Variants in ASCC1 observed in about 807,000 individuals in gnomAD.
ASCC1 encodes ASC-1 complex subunit P50.
In ASCC1, 35 loss-of-function variants were observed where a neutral mutation model predicts 46.6. The ratio of observed to expected loss-of-function variants is 0.75; its 90% CI spans 0.57 to 0.99. The LOEUF is 0.99. Ranked by LOEUF, ASCC1 falls within the 50% of genes least tolerant of loss-of-function variation. ASCC1 has a pLI of 0.00. For missense variants in ASCC1, 376 were observed against 428.7 expected (o/e 0.88, Z 1.09); for synonymous variants, 143 against 146.6 (o/e 0.98, Z 0.18).
At chr10:72,201,676 G>T (rs1273742479) in intron 4 of ASCC1, among the ~76,000 whole-genome samples, 4 of 151,976 alleles carry the variant, frequency 2.6e-5, no homozygotes, top group African/African-American at 7.2e-5. Context: ...ACATGCTCTT[G>T]CCTGTAACCC....
At chr10:72,124,223 T>C (rs773858623) in intron 9 of ASCC1, among the ~76,000 whole-genome samples, 26 of 152,176 alleles carry the variant, frequency 1.7e-4, no homozygotes, top group Non-Finnish European at 3.2e-4. Context: ...GTCTCTTCTT[T>C]CTCTAAATTA....
intron 7 of ASCC1, among the ~76,000 whole-genome samples, chr10:72,144,537 A>G (rs1005772884): frequency 1.3e-5 from 2 of 151,656 alleles, no homozygotes; most frequent in South Asian, 2.1e-4. Flanking sequence ...TGCTCATTCC[A>G]CTTTTTCCCA....
Position 72,190,169 on chromosome 10 carries a change from A to T in ASCC1, c.489+6642T>A, listed in dbSNP as rs1449226594. ...TGGTGGCCGAAAACACCCAGTTCCT[A>T]AGGGTGCAACTTACGGCAAGCCTGT... On this transcript the variant is annotated intron_variant, in intron 5 of 9. Coordinates refer to ENST00000672957, the MANE Select transcript of ASCC1 (RefSeq NM_001198800.3). The T allele has an allele frequency of 2.6e-5, 20 of 763,256 alleles. No individual in the cohort carries two copies. In the Admixed American group the frequency reaches 3.2e-4, roughly 12 times the overall value. 47.3% of individuals were successfully genotyped at this position (763,256 alleles called of 1,614,324 possible). A position where few individuals can be genotyped will look rare whatever the true frequency, so the allele number is the denominator to read the frequency against.
chr10:72,195,881 C>A (rs1024091494), intron 5 of ASCC1, among the ~76,000 whole-genome samples: 2 of 151,868 alleles, frequency 1.3e-5, no homozygotes, highest in African/African-American at 2.4e-5. Context: ...GATACACACA[C>A]ATATATAGCA....
At chr10:72,167,446 G>A (rs1049131899) in intron 5 of ASCC1, among the ~76,000 whole-genome samples, 1 of 152,196 alleles carries the variant, frequency 6.6e-6, no homozygotes, top group Non-Finnish European at 1.5e-5. Context: ...TGCCTGTGGT[G>A]AGGAGTGGGG....
intron 3 of ASCC1, chr10:72,204,485 G>T (rs11000217): frequency 2.6e-6 from 4 of 1,543,342 alleles, no homozygotes; most frequent in Non-Finnish European, 2.6e-6. Flanking sequence ...ACAGTCGTTT[G>T]ATGTGTTCAA....
At chr10:72,184,842 A>T (rs914976526) in intron 5 of ASCC1, among the ~76,000 whole-genome samples, 7 of 152,142 alleles carry the variant, frequency 4.6e-5, no homozygotes, top group Non-Finnish European at 8.8e-5. Flanking sequence ...AAAAATTTTA[A>T]ATAAGCAATA....
chr10:72,113,576 C>G (rs1843157851), intron 9 of ASCC1, among the ~76,000 whole-genome samples: 1 of 152,154 alleles, frequency 6.6e-6, no homozygotes, highest in South Asian at 2.1e-4. Context: ...TTTAAAAATT[C>G]CAAGGAAAAA....
intron 9 of ASCC1, among the ~76,000 whole-genome samples, chr10:72,106,105 G>T (rs1842317554): frequency 6.6e-6 from 1 of 152,078 alleles, no homozygotes; most frequent in Non-Finnish European, 1.5e-5. Context: ...TCTCTTCCAA[G>T]ATCCCTCTTT....
chr10:72,109,692 A>G (rs1842717396), intron 9 of ASCC1, among the ~76,000 whole-genome samples: 1 of 152,222 alleles, frequency 6.6e-6, no homozygotes, highest in African/African-American at 2.4e-5. Context: ...ACCGCTATAT[A>G]CAAACAGGAT....
At chr10:72,149,347 A>G (rs1050085877) in intron 7 of ASCC1, among the ~76,000 whole-genome samples, 1 of 144,612 alleles carries the variant, frequency 6.9e-6, no homozygotes, top group African/African-American at 2.6e-5. Flanking sequence ...CTGAGGCAGG[A>G]GAATGGCGTG....
intron 9 of ASCC1, among the ~76,000 whole-genome samples, chr10:72,125,650 A>G (rs1056577363): frequency 9.2e-5 from 14 of 152,156 alleles, no homozygotes; most frequent in Admixed American, 7.9e-4. Flanking sequence ...GCCCACATTT[A>G]CTTTTATTTT....
intron 4 of ASCC1, among the ~76,000 whole-genome samples, chr10:72,201,209 A>G (rs958725159): frequency 2.6e-5 from 4 of 152,212 alleles, no homozygotes; most frequent in Non-Finnish European, 4.4e-5. Context: ...GTGTGGTGGC[A>G]TGAACACAGT....
At chr10:72,200,628 C>T (rs1474465106) in intron 4 of ASCC1, among the ~76,000 whole-genome samples, 2 of 149,114 alleles carry the variant, frequency 1.3e-5, no homozygotes, top group Non-Finnish European at 3.0e-5. Context: ...CATGCCAATG[C>T]ACTCCAGCCT....
intron 6 of ASCC1, among the ~76,000 whole-genome samples, chr10:72,160,584 G>A (rs1849526331): frequency 6.6e-6 from 1 of 152,004 alleles, no homozygotes; most frequent in Admixed American, 6.6e-5. Context: ...GAACTGGCTG[G>A]AGATGGCAGC....
chr10:72,212,994 T>C (rs1367186710), intron 2 of ASCC1, among the ~76,000 whole-genome samples, 193 bp downstream of exon 2: 2 of 152,134 alleles, frequency 1.3e-5, no homozygotes, highest in Non-Finnish European at 1.5e-5. Context: ...AACTTATAAA[T>C]TGCAACCAAA....
chr10:72,210,635 A>T, intron 3 of ASCC1, 97 bp downstream of exon 3: 1 of 889,538 alleles, frequency 1.1e-6, no homozygotes, highest in Non-Finnish European at 1.9e-6. Flanking sequence ...ATCATTAGTA[A>T]TCAAGCACTG....
At chr10:72,098,296 G>A (rs556813208) in intron 9 of ASCC1, among the ~76,000 whole-genome samples, 4 of 152,318 alleles carry the variant, frequency 2.6e-5, no homozygotes, top group African/African-American at 4.8e-5. Context: ...AGTAAAGAGC[G>A]TACCTTCCTC....
intron 9 of ASCC1, among the ~76,000 whole-genome samples, chr10:72,116,097 G>A (rs951546016): frequency 1.3e-5 from 2 of 152,198 alleles, no homozygotes; most frequent in African/African-American, 4.8e-5. Flanking sequence ...AAATGGTTAA[G>A]TGTCCTACTA....
Sources: allele counts gnomAD v4.1 joint callset (sites outside exome capture counted in the v4.1 genomes callset), GRCh38; gene constraint gnomAD v4.1.1; transcripts MANE v1.5; gene names NCBI Gene and HGNC (gene_info 2026-07-23, HGNC 2026-07-21).